Variants in STK3 observed in about 807,000 individuals in gnomAD.
The protein encoded by STK3 is serine/threonine-protein kinase 3.
A neutral mutation model predicts 58.0 loss-of-function variants in STK3; 41 were observed. The ratio of observed to expected loss-of-function variants is 0.71; its 90% CI spans 0.55 to 0.92. STK3 has a LOEUF of 0.92. STK3 is among the 40% of genes least tolerant of loss of function. The pLI is 0.00. For missense variants in STK3, 479 were observed against 602.7 expected (o/e 0.79, Z 2.15); for synonymous variants, 170 against 191.0 (o/e 0.89, Z 0.91).
intron 10 of STK3, among the ~76,000 whole-genome samples, chr8:98,479,432 AG>A (rs1821648429): frequency 7.7e-6 from 1 of 130,110 alleles, no homozygotes; most frequent in Middle Eastern, 4.0e-3. Context: ...GGTTGCCGTG[AG>A]CCAAGATCCT....
At chr8:98,398,247 G>A (rs1044083486), downstream of STK3, among the ~76,000 whole-genome samples, 5 of 152,108 alleles carry the variant, frequency 3.3e-5, no homozygotes, top group African/African-American at 1.2e-4. Context: ...CAGCTACTTG[G>A]GAAGGAAAGA....
At chr8:98,447,227 T>C (rs1271770570) in intron 1 of STK3, among the ~76,000 whole-genome samples, 1 of 151,644 alleles carries the variant, frequency 6.6e-6, no homozygotes, top group Non-Finnish European at 1.5e-5. Context: ...TTCACATGTG[T>C]CCCCAAACCT....
At chr8:98,886,777 C>G (rs1468343427) in intron 1 of STK3, among the ~76,000 whole-genome samples, 1 of 152,038 alleles carries the variant, frequency 6.6e-6, no homozygotes, top group African/African-American at 2.4e-5. Flanking sequence ...TTGCATATAA[C>G]CTACACACAT....
At chr8:98,445,986 C>T (rs1818930580) in intron 1 of STK3, among the ~76,000 whole-genome samples, 1 of 152,138 alleles carries the variant, frequency 6.6e-6, no homozygotes, top group Non-Finnish European at 1.5e-5. Context: ...CACATGATTC[C>T]ATGACCTCTC....
intron 1 of STK3, among the ~76,000 whole-genome samples, chr8:98,912,479 A>C (rs1446776567): frequency 6.6e-6 from 1 of 152,140 alleles, no homozygotes; most frequent in Non-Finnish European, 1.5e-5. Context: ...TGTGACTTAC[A>C]TTTTGCCCCA....
chr8:98,917,333 A>C (rs1839381075), intron 1 of STK3, among the ~76,000 whole-genome samples: 1 of 152,234 alleles, frequency 6.6e-6, no homozygotes, highest in Admixed American at 6.5e-5. Flanking sequence ...CAGATGTACC[A>C]GCATAGCCTT....
chr8:98,557,043 T>C (rs1811644411), intron 8 of STK3, among the ~76,000 whole-genome samples: 1 of 152,024 alleles, frequency 6.6e-6, no homozygotes, highest in East Asian at 1.9e-4. Context: ...GACCATATGA[T>C]CAAGGAAATG....
At chr8:98,744,203 C>A (rs1457255839) in intron 4 of STK3, among the ~76,000 whole-genome samples, 1 of 152,110 alleles carries the variant, frequency 6.6e-6, no homozygotes, top group South Asian at 2.1e-4. Flanking sequence ...ACTAGAAATA[C>A]CATTTGACCC....
rs539218273 is a variant in STK3, at chr8:98,656,229, G to A, written c.684+50238C>T. On this transcript the variant is annotated intron_variant, in intron 6 of 10. Coordinates refer to ENST00000419617, the MANE Select transcript of STK3 (RefSeq NM_006281.4). ...AAATCATCATTCTCAGTAAACTATC[G>A]CAAGGACAAAAAACCAAACACTGCA... 6.6e-5 allele frequency among the ~76,000 whole-genome samples: 10 copies of A among 151,850 alleles called. No individual in the cohort carries two copies. In the East Asian group the frequency reaches 9.7e-4, roughly 15 times the overall value.
At chr8:98,866,080 T>C (rs1345280883) in intron 3 of STK3, among the ~76,000 whole-genome samples, 1 of 152,270 alleles carries the variant, frequency 6.6e-6, no homozygotes. Context: ...CTACAGTTTT[T>C]AGACCATCAT....
At chr8:98,349,390 G>A in the STK3 span, among the ~76,000 whole-genome samples, 1 of 152,238 alleles carries the variant, frequency 6.6e-6, no homozygotes, top group Admixed American at 6.5e-5. Flanking sequence ...GCTTTGCAAG[G>A]TGTGGCCTCC....
chr8:98,638,364 T>C (rs1198249323), intron 6 of STK3: 1 of 152,226 alleles, frequency 6.6e-6, no homozygotes, highest in African/African-American at 2.4e-5. Context: ...AAGAATATTA[T>C]GTTCCTGCAA....
chr8:98,579,267 T>C (rs1377583543), intron 8 of STK3, among the ~76,000 whole-genome samples: 2 of 152,242 alleles, frequency 1.3e-5, no homozygotes, highest in Non-Finnish European at 2.9e-5. Flanking sequence ...TAGTTTAATA[T>C]GCTAGGCCTT....
intron 6 of STK3, among the ~76,000 whole-genome samples, chr8:98,637,254 TC>T (rs1819693743): frequency 1.3e-5 from 2 of 152,150 alleles, no homozygotes; most frequent in South Asian, 4.1e-4. Flanking sequence ...GAAAAATCTT[TC>T]CAACTTTCTC....
In STK3 at chr8:98,428,037, C is replaced by G; in HGVS notation, n.483+6090G>C. On this transcript the variant is annotated intron_variant and non_coding_transcript_variant, in intron 3 of 3. Transcript: ENST00000517832. This position sits in a 1 kb window ranked among gnomAD's most constrained non-coding sequence, Gnocchi z 6.7. ...GGCTAACGTCGAGGACGGGGAGATC[C>G]GCATCAATGTGGGCGGCTTCAAGAG... is the stretch of plus-strand genomic sequence containing the variant. 1 of 1,608,718 alleles carries G rather than the reference C, an allele frequency of 6.2e-7. No homozygotes were observed. The highest frequency in any genetic ancestry group is 8.5e-7 in the Non-Finnish European group (1 of 1,177,094).
At chr8:98,865,027 A>G (rs1261590314) in intron 3 of STK3, among the ~76,000 whole-genome samples, 1 of 152,244 alleles carries the variant, frequency 6.6e-6, no homozygotes, top group Non-Finnish European at 1.5e-5. Flanking sequence ...GGTCACACCT[A>G]GATGACAGGA....
chr8:98,683,082 C>T (rs1823752142), intron 6 of STK3, among the ~76,000 whole-genome samples: 1 of 151,880 alleles, frequency 6.6e-6, no homozygotes, highest in Non-Finnish European at 1.5e-5. Context: ...ATTAGCAAAC[C>T]AAAGCTACTA....
intron 1 of STK3, among the ~76,000 whole-genome samples, chr8:98,790,347 C>T (rs541454987): frequency 6.6e-6 from 1 of 152,272 alleles, no homozygotes; most frequent in East Asian, 1.9e-4. Context: ...GGGTTTCATA[C>T]CAGGGATGCA....
intron 2 of STK3, among the ~76,000 whole-genome samples, chr8:98,373,817 G>A (rs188474904): frequency 2.3e-3 from 347 of 152,300 alleles, no homozygotes; most frequent in African/African-American, 8.1e-3. Flanking sequence ...GAGGAAACAG[G>A]ATCAGAAAAC....
Sources: gnomAD v4.1 joint callset for allele counts (sites outside exome capture counted in the v4.1 genomes callset) on GRCh38, gnomAD v4.1.1 for gene constraint, Gnocchi (gnomAD v3.1) non-coding constraint, MANE v1.5 for transcripts, NCBI Gene and HGNC (gene_info 2026-07-23, HGNC 2026-07-21) for gene names.